HEXD: variants seen among roughly 807,000 people sequenced by gnomAD.
HEXD encodes hexosaminidase D.
HEXD carries 47 observed loss-of-function variants against 54.2 expected under a neutral mutation model. The observed-to-expected ratio is 0.87, with a 90% confidence interval of 0.69 to 1.11. The LOEUF (loss-of-function observed/expected upper bound fraction) is 1.11, where lower values mean the gene tolerates loss of function less well. Ranked by LOEUF, HEXD falls within the 50% of genes least tolerant of loss-of-function variation. The pLI is 0.00. For missense variants in HEXD, 576 were observed against 649.2 expected, an observed-to-expected ratio of 0.89 and a Z score of 1.23; for synonymous variants, 293 against 287.6, an observed-to-expected ratio of 1.02 and a Z score of -0.19.
At chr17:82,420,084 A>T in intron 2 of HEXD, 1 of 171,064 alleles carries the variant, frequency 5.8e-6, no homozygotes, top group Non-Finnish European at 1.2e-5. Flanking sequence ...GACAAAAGGG[A>T]AAAAAAAAAA....
chr17:82,429,802 C>A (rs1211721637), intron 4 of HEXD, among the ~76,000 whole-genome samples: 1 of 152,116 alleles, frequency 6.6e-6, no homozygotes, highest in Non-Finnish European at 1.5e-5. Flanking sequence ...CCACCTCCCA[C>A]TCTCTCTCTA....
In HEXD at chr17:82,441,815, G is replaced by A; in HGVS notation, c.1179G>A (p.Trp393Ter). 1 of 1,613,070 alleles carries A rather than the reference G, an allele frequency of 6.2e-7. No individual in the cohort carries two copies. Among genetic ancestry groups the A allele is most frequent in the Non-Finnish European group, 8.5e-7 (1 of 1,179,974 alleles). The change falls in exon 12 of 13, where the codon TGG becomes TGA. Residue 393 changes from tryptophan to a stop codon, truncating the protein, a stop_gained. Transcript: ENST00000327949. LOFTEE classifies it high-confidence loss of function. ...TTTGCCCCAGGTATGTCACTGGCTG[G>A]TTCAGCCCCTACCACCGCCAGCGGA... ...LLEGNRYVTG[W>*]FSPYHRQRKL... is the part of the protein sequence containing the mutation.
rs1254879509 is a variant in HEXD at position 82,433,825 on chromosome 17, G to A, written c.447+3G>A. 1 of 1,610,522 alleles carries A rather than the reference G, an allele frequency of 6.2e-7. No individual in the cohort carries two copies. The highest frequency in any genetic ancestry group is 2.2e-5 in the East Asian group (1 of 44,528). On this transcript the variant is annotated splice_donor_region_variant and intron_variant, in intron 5 of 12. Coordinates refer to ENST00000327949, the MANE Select transcript of HEXD (RefSeq NM_001330542.2). The stretch of plus-strand genomic sequence containing the variant: ...GGCTGCACATCGGGTGTGATGAGGT[G>A]GGTACTGTCACCCCAGCTCTGTGCA...
At chr17:82,420,715 C>T (rs943219162) in intron 2 of HEXD, among the ~76,000 whole-genome samples, 1 of 152,102 alleles carries the variant, frequency 6.6e-6, no homozygotes, top group African/African-American at 2.4e-5. Flanking sequence ...TTACAGGTGC[C>T]TGCCACCATG....
rs1043230415 is a variant in HEXD, at chr17:82,434,068, C to T, written c.447+246C>T. ...CTCCGGGTGGATGGGCGGCCTGGCA[C>T]GGGACAGCCTGCAGAGCCCGAGGGA... is the stretch of plus-strand genomic sequence containing the variant. On this transcript the variant is annotated intron_variant, in intron 5 of 12. Transcript: ENST00000327949. The surrounding 1 kb of genome is among the most constrained non-coding windows in gnomAD (Gnocchi z 4.5). Among the ~76,000 whole-genome samples the T allele has an allele frequency of 1.1e-4, 16 of 152,032 alleles. No individual in the cohort carries two copies. Among genetic ancestry groups the T allele is most frequent in the African/African-American group, 2.2e-4 (9 of 41,388 alleles).
intron 4 of HEXD, among the ~76,000 whole-genome samples, chr17:82,429,555 G>A (rs1359499106): frequency 6.6e-6 from 1 of 151,994 alleles, no homozygotes; most frequent in Non-Finnish European, 1.5e-5. Flanking sequence ...TTAGCCTCCT[G>A]CCACGTATCC....
intron 4 of HEXD, among the ~76,000 whole-genome samples, chr17:82,429,834 G>C (rs556608767): frequency 2.5e-4 from 38 of 152,246 alleles, no homozygotes; most frequent in Admixed American, 1.1e-3. Context: ...TTCTGCTCCT[G>C]CTTTCTCTTT....
In HEXD at chr17:82,434,833, G is replaced by A. The variant is rs1453947492; in HGVS notation, c.448-856G>A. Among the ~76,000 whole-genome samples the A allele has an allele frequency of 4.0e-5, 6 of 151,330 alleles. No homozygotes were observed. Among genetic ancestry groups the A allele is most frequent in the East Asian group, 1.9e-4 (1 of 5,150 alleles). ...AGCCTGGGCAACAGAGTGAGACTCC[G>A]GCTCTAAATAAATAAGTAAATAAAT... On this transcript the variant is annotated intron_variant, in intron 5 of 12. Transcript: ENST00000327949. The surrounding 1 kb of genome is among the most constrained non-coding windows in gnomAD (Gnocchi z 4.5).
chr17:82,422,741 TTACA>T (rs1312238990), intron 2 of HEXD, among the ~76,000 whole-genome samples: 1 of 151,914 alleles, frequency 6.6e-6, no homozygotes, highest in Non-Finnish European at 1.5e-5. Flanking sequence ...AAGACTGAAC[TTACA>T]TACAGCTGAT....
In HEXD at chr17:82,441,333, G is replaced by A. The variant is rs144414227; in HGVS notation, c.1163+67G>A. ...GGCATGGGGCGGGTGCAGGTGAGGG[G>A]GCAGGTGTGGGTGGGAGGCAGGTGC... On this transcript the variant is annotated intron_variant, in intron 11 of 12. Transcript: ENST00000327949. 2.8e-3 allele frequency: 3,945 copies of A among 1,430,234 alleles called. 121 individuals are homozygous for A. In the African/African-American group the frequency reaches 0.052, roughly 19 times the overall value. 88.6% of individuals were successfully genotyped at this position (1,430,234 alleles called of 1,614,324 possible).
chr17:82,441,750 C>T (rs1235694427), intron 11 of HEXD, 50 bp from the exon 12 acceptor site: 1 of 1,436,544 alleles, frequency 7.0e-7, no homozygotes, highest in Non-Finnish European at 9.8e-7. Context: ...AAAGCCGCCC[C>T]ACGGCTGCCT....
chr17:82,435,013 TG>T (rs575793272), intron 5 of HEXD, among the ~76,000 whole-genome samples: 103 of 146,216 alleles, frequency 7.0e-4, no homozygotes, highest in African/African-American at 2.6e-3. Context: ...GGTGTGGTGG[TG>T]GGCGCCTGTA....
In HEXD at chr17:82,418,426, G is replaced by C. The variant is rs923030308; in HGVS notation, c.-366G>C. 21 of 1,478,710 alleles carry C rather than the reference G, an allele frequency of 1.4e-5. No individual in the cohort carries two copies. The highest frequency in any genetic ancestry group is 1.0e-4 in the South Asian group (8 of 79,056). The allele number at this position is 1,478,710 out of a possible 1,614,324, so 91.6% of individuals were successfully genotyped here. A position where few individuals can be genotyped will look rare whatever the true frequency, so the allele number is the denominator to read the frequency against. On this transcript the variant is annotated 5_prime_UTR_variant, in exon 1 of 13. Transcript: ENST00000327949. ...CTCACCGCTACCTGCTCCGGTTCCG[G>C]CGCTCGGCCGCTCCGTTGCCCTCGG...
At chr17:82,429,620 C>T (rs2053520917) in intron 4 of HEXD, among the ~76,000 whole-genome samples, 5 of 152,142 alleles carry the variant, frequency 3.3e-5, no homozygotes, top group African/African-American at 9.7e-5. Context: ...AGTCCAGGGA[C>T]GGTTTTAGTC....
At chr17:82,422,496 A>G (rs952125394) in intron 2 of HEXD, among the ~76,000 whole-genome samples, 5 of 52,100 alleles carry the variant, frequency 9.6e-5, no homozygotes, top group African/African-American at 8.6e-4. Flanking sequence ...GACTCAGTCT[A>G]AAAAAAAAAA....
intron 4 of HEXD, among the ~76,000 whole-genome samples, chr17:82,433,090 AAAT>A (rs1323868408): frequency 7.3e-4 from 9 of 12,286 alleles, no homozygotes; most frequent in African/African-American, 1.5e-3. Flanking sequence ...AAAAAAAAAA[AAAT>A]ATATATATAT....
intron 2 of HEXD, among the ~76,000 whole-genome samples, chr17:82,422,634 A>G (rs2053269082): frequency 6.6e-6 from 1 of 152,274 alleles, no homozygotes; most frequent in African/African-American, 2.4e-5. Context: ...ACAAGTGAGT[A>G]GACACCATGG....
At chr17:82,441,993 T>C in intron 12 of HEXD, 104 bp downstream of exon 12, 20 of 1,344,656 alleles carry the variant, frequency 1.5e-5, no homozygotes, top group South Asian at 3.5e-5. Flanking sequence ...GAGCCCCTAG[T>C]TGTAAAAGGC....
Position 82,442,309 on chromosome 17 carries a change from G to A in HEXD, c.1386G>A (p.Leu462=), listed in dbSNP as rs940583871. Residue 462 remains leucine, a synonymous_variant, in exon 13 of 13, where the codon CTG becomes CTA. Transcript: ENST00000327949. This position sits in a 1 kb window ranked among gnomAD's most constrained non-coding sequence, Gnocchi z 6.8. ...GCCTGCAGCGGCTGCAAGCTCTGCT[G>A]CAGGACCTCAGCGAGGTGTCTGCCC... ...HPSLQRLQAL[L]QDLSEVSAPP... is the part of the protein sequence containing the mutation. The A allele has an allele frequency of 1.9e-6, 3 of 1,609,902 alleles. No individual in the cohort carries two copies. Among genetic ancestry groups the A allele is most frequent in the South Asian group, 1.1e-5 (1 of 91,088 alleles).
Sources: gnomAD v4.1 joint callset for allele counts (sites outside exome capture counted in the v4.1 genomes callset) on GRCh38, gnomAD v4.1.1 for gene constraint, Gnocchi (gnomAD v3.1) non-coding constraint, MANE v1.5 for transcripts, NCBI Gene and HGNC (gene_info 2026-07-23, HGNC 2026-07-21) for gene names.